The following MEIS1 variants were observed in gnomAD, a reference collection of about 807,000 sequenced individuals.
MEIS1 encodes the protein homeobox protein Meis1.
A neutral mutation model predicts 50.8 loss-of-function variants in MEIS1; 5 were observed. The observed-to-expected ratio is 0.10, with a 90% CI of 0.05 to 0.21. MEIS1 has a LOEUF of 0.21. Ranked by LOEUF, MEIS1 falls within the 10% of genes least tolerant of loss-of-function variation. The pLI, the probability that MEIS1 is intolerant of heterozygous loss-of-function variation, is 1.00. For missense variants in MEIS1, 318 were observed against 517.3 expected, an observed-to-expected ratio of 0.61 and a Z score of 3.74; for synonymous variants, 176 against 179.3, an observed-to-expected ratio of 0.98 and a Z score of 0.15.
At chr2:66,562,773 T>G (rs1259584966) in intron 9 of MEIS1, among the ~76,000 whole-genome samples, 4 of 152,162 alleles carry the variant, frequency 2.6e-5, no homozygotes, top group Non-Finnish European at 4.4e-5. Flanking sequence ...AAATTCTAAC[T>G]CATGATTCTA....
At chr2:66,526,478 C>T (rs1005618256) in intron 8 of MEIS1, among the ~76,000 whole-genome samples, 10 of 152,150 alleles carry the variant, frequency 6.6e-5, no homozygotes, top group African/African-American at 2.2e-4. Context: ...AGCAGCGACT[C>T]TTGGAATCAC....
intron 7 of MEIS1, among the ~76,000 whole-genome samples, chr2:66,492,497 C>T (rs1030208355): frequency 6.6e-6 from 1 of 152,178 alleles, no homozygotes; most frequent in Non-Finnish European, 1.5e-5. Flanking sequence ...CTACCCTGCA[C>T]TGGAGAAACT....
At chr2:66,510,686 A>C (rs1264573661) in intron 7 of MEIS1, among the ~76,000 whole-genome samples, 1 of 151,878 alleles carries the variant, frequency 6.6e-6, no homozygotes, top group African/African-American at 2.4e-5. Context: ...AAGTTAAGGC[A>C]ATTGAAAAAA....
intron 8 of MEIS1, among the ~76,000 whole-genome samples, chr2:66,525,684 A>G (rs1404966871): frequency 2.6e-5 from 4 of 152,196 alleles, no homozygotes; most frequent in Non-Finnish European, 4.4e-5. Context: ...AGAAAGACAG[A>G]CTGTTTCTTC....
intron 8 of MEIS1, among the ~76,000 whole-genome samples, chr2:66,516,516 A>G (rs2103861901): frequency 6.7e-6 from 1 of 149,506 alleles, no homozygotes; most frequent in East Asian, 2.0e-4. Context: ...TTTTTGTTTC[A>G]TTTTCTTTCT....
In MEIS1 at chr2:66,550,493, TTTGTTTTGTTTTG is replaced by T. The variant is rs1366778178; in HGVS notation, c.965+2477_965+2489del. ...TTTGTTTTGTTTTGTTTTGTTTTGT[TTTGTTTTGTTTTG>T]TTTTGTTTTGATACCGAGTCCTGCT... On this transcript the variant is annotated intron_variant, in intron 9 of 12. Transcript: ENST00000272369. Among the ~76,000 whole-genome samples the T allele has an allele frequency of 1.4e-4, 22 of 151,832 alleles. No individual in the cohort carries two copies. The South Asian group carries it at 3.7e-3, about 26-fold the overall frequency.
intron 8 of MEIS1, among the ~76,000 whole-genome samples, chr2:66,523,938 T>C (rs1425654733): frequency 6.6e-6 from 1 of 152,204 alleles, no homozygotes; most frequent in African/African-American, 2.4e-5. Flanking sequence ...ACCAATTTCA[T>C]GATAAATAAT....
rs527634855 is a variant in MEIS1, at chr2:66,503,777, C to G, written c.743-8372C>G. The stretch of plus-strand genomic sequence containing the variant: ...TTTTTTTTTTTGAGACGGGGTCTAG[C>G]TCTGTCGCCCAGGCTGGAGTGCAAT... On this transcript the variant is annotated intron_variant, in intron 7 of 12. Coordinates refer to ENST00000272369, the MANE Select transcript of MEIS1 (RefSeq NM_002398.3). 1.5e-4 allele frequency among the ~76,000 whole-genome samples: 20 copies of G among 129,660 alleles called. 1 individual carries two copies. The East Asian group carries it at 4.5e-3, about 29-fold the overall frequency. 85.1% of individuals were successfully genotyped at this position (129,660 alleles called of 152,430 possible).
rs903197582 is a variant in MEIS1, at chr2:66,520,384, G to A, written c.888+8090G>A. ...TAGTCCCAGCTACTCAGGAGGCTGA[G>A]GCAGGAGAATGGCTTGAACCCGGGA... is the stretch of plus-strand genomic sequence containing the variant. On this transcript the variant is annotated intron_variant, in intron 8 of 12. Coordinates refer to ENST00000272369, the MANE Select transcript of MEIS1 (RefSeq NM_002398.3). Among the ~76,000 whole-genome samples the A allele has an allele frequency of 5.3e-5, 8 of 151,898 alleles. No individual in the cohort carries two copies. The East Asian group carries it at 9.7e-4, about 18-fold the overall frequency.
At chr2:66,514,593 C>G (rs1442011537) in intron 8 of MEIS1, among the ~76,000 whole-genome samples, 1 of 152,150 alleles carries the variant, frequency 6.6e-6, no homozygotes, top group African/African-American at 2.4e-5. Flanking sequence ...TAGGTGTTAC[C>G]TTGTGGTTTC....
Position 66,435,555 on chromosome 2 carries a change from TTTC to T in MEIS1, c.-299_-297del. On this transcript the variant is annotated 5_prime_UTR_variant, in exon 1 of 13. Coordinates refer to ENST00000272369, the MANE Select transcript of MEIS1 (RefSeq NM_002398.3). ...TCTTTTTTTTCCTTTTCTTTCTTTC[TTTC>T]TTTTTTTTTTTTTAAACTGATTTTT... 7.5e-6 allele frequency: 3 copies of T among 401,382 alleles called. No homozygotes were observed. The highest frequency in any genetic ancestry group is 8.7e-6 in the Non-Finnish European group (2 of 229,438). 24.9% of individuals were successfully genotyped at this position (401,382 alleles called of 1,614,324 possible).
chr2:66,440,398 T>C (rs1671939429), intron 3 of MEIS1, 164 bp from the exon 4 acceptor site: 1 of 670,980 alleles, frequency 1.5e-6, no homozygotes, highest in Non-Finnish European at 2.7e-6. Context: ...CACTGAAATG[T>C]TTCTGCGCGG....
At chr2:66,497,055 G>A (rs1023126384) in intron 7 of MEIS1, among the ~76,000 whole-genome samples, 10 of 152,144 alleles carry the variant, frequency 6.6e-5, no homozygotes, top group African/African-American at 1.4e-4. Flanking sequence ...ATAAGATTCA[G>A]GGAAGGTTTA....
intron 6 of MEIS1, chr2:66,443,824 C>A (rs1672061189): frequency 6.6e-6 from 1 of 152,576 alleles, no homozygotes; most frequent in South Asian, 2.1e-4. Flanking sequence ...GTGTGGGGGA[C>A]CTCGCACCGC....
chr2:66,505,320 C>A (rs1264434218), intron 7 of MEIS1, among the ~76,000 whole-genome samples: 1 of 152,100 alleles, frequency 6.6e-6, no homozygotes, highest in Non-Finnish European at 1.5e-5. Context: ...GCCTGAAGAT[C>A]CCTTGAGCCC....
chr2:66,463,709 C>G (rs945517912), intron 6 of MEIS1, among the ~76,000 whole-genome samples: 3 of 152,158 alleles, frequency 2.0e-5, no homozygotes, highest in Non-Finnish European at 4.4e-5. Flanking sequence ...TCAGAGGCCC[C>G]TATAAACCAC....
At chr2:66,478,910 T>C (rs2103779755) in intron 7 of MEIS1, among the ~76,000 whole-genome samples, 1 of 152,318 alleles carries the variant, frequency 6.6e-6, no homozygotes, top group Non-Finnish European at 1.5e-5. Context: ...TTATTGTTGG[T>C]GAGTAACTCT....
intron 6 of MEIS1, among the ~76,000 whole-genome samples, chr2:66,445,931 C>T (rs2103698607): frequency 1.3e-5 from 2 of 152,320 alleles, no homozygotes; most frequent in Middle Eastern, 6.8e-3. Context: ...TCCGGGCCGC[C>T]TGGAGGTCCC....
At chr2:66,441,344 T>C in intron 4 of MEIS1, 70 bp from the exon 5 acceptor site, 1 of 1,379,856 alleles carries the variant, frequency 7.2e-7, no homozygotes, top group East Asian at 2.7e-5. Flanking sequence ...GGGCTGGAGA[T>C]GGTAGAGCTG....
Sources: gnomAD v4.1 joint callset for allele counts (sites outside exome capture counted in the v4.1 genomes callset) on GRCh38, gnomAD v4.1.1 for gene constraint, MANE v1.5 for transcripts, NCBI Gene and HGNC (gene_info 2026-07-23, HGNC 2026-07-21) for gene names.